The following PLEKHA7 variants were observed in gnomAD, a reference collection of about 807,000 sequenced individuals.
The protein encoded by PLEKHA7 is pleckstrin homology domain containing A7.
In PLEKHA7, 104 loss-of-function variants were observed where a neutral mutation model predicts 170.0. That is an observed-to-expected ratio of 0.61 (90% CI 0.52 to 0.72). PLEKHA7 has a LOEUF of 0.72. Among genes scored for constraint, PLEKHA7 ranks in the 30% least tolerant of loss-of-function variants. The pLI is 0.00. For missense variants in PLEKHA7, 1,615 were observed against 1,671.7 expected (o/e 0.97, Z 0.59); for synonymous variants, 648 against 660.8 (o/e 0.98, Z 0.30).
chr11:16,887,033 T>A (rs1350252902), intron 3 of PLEKHA7, among the ~76,000 whole-genome samples: 1 of 152,112 alleles, frequency 6.6e-6, no homozygotes, highest in Non-Finnish European at 1.5e-5. Context: ...GTTTATCAGT[T>A]TATTAAGCCA....
chr11:16,917,408 A>C (rs1210688748), intron 3 of PLEKHA7, among the ~76,000 whole-genome samples: 1 of 152,106 alleles, frequency 6.6e-6, no homozygotes, highest in Non-Finnish European at 1.5e-5. Context: ...TTATCATCCT[A>C]AGGTTTCGGA....
chr11:16,851,357 G>T, intron 7 of PLEKHA7, 66 bp from the exon 8 acceptor site: 2 of 1,239,632 alleles, frequency 1.6e-6, no homozygotes, highest in Non-Finnish European at 2.3e-6. Flanking sequence ...CTGTCCCACT[G>T]CTTCCAGAAC....
At chr11:16,844,735 C>CA (rs1852249789) in intron 8 of PLEKHA7, among the ~76,000 whole-genome samples, 5 of 152,186 alleles carry the variant, frequency 3.3e-5, no homozygotes, top group Admixed American at 3.3e-4. Flanking sequence ...CAGTTCTAGA[C>CA]ACAGCACTGG....
intron 17 of PLEKHA7, among the ~76,000 whole-genome samples, chr11:16,796,732 C>T (rs772052680): frequency 3.4e-4 from 52 of 152,144 alleles, no homozygotes; most frequent in Non-Finnish European, 7.1e-4. Context: ...TCAAGGTCAC[C>T]GTAACCTCAA....
At chr11:16,909,940 A>C (rs1858129083) in intron 3 of PLEKHA7, among the ~76,000 whole-genome samples, 2 of 152,236 alleles carry the variant, frequency 1.3e-5, no homozygotes, top group South Asian at 4.1e-4. Context: ...CCTAATGGCC[A>C]ATCTTGCAGA....
Position 16,841,723 on chromosome 11 carries a change from C to G in PLEKHA7, c.697-1G>C. The G allele has an allele frequency of 1.2e-6, 2 of 1,613,336 alleles. No homozygotes were observed. Among genetic ancestry groups the G allele is most frequent in the African/African-American group, 2.7e-5 (2 of 75,036 alleles). ...GCGCTCGCATCCCCGTGTGCACAGCCTGTAGCATGAAGGCAGAATGCAGGT... is the reference window on the plus strand; with the variant it reads ...GCGCTCGCATCCCCGTGTGCACAGCGTGTAGCATGAAGGCAGAATGCAGGT... On this transcript the variant is annotated splice_acceptor_variant, in intron 8 of 26. Transcript: ENST00000531066. LOFTEE classifies it high-confidence loss of function.
At chr11:16,786,425 T>C (rs1453364874) in intron 23 of PLEKHA7, 38 bp from the exon 24 acceptor site, 2 of 1,534,092 alleles carry the variant, frequency 1.3e-6, no homozygotes, top group Non-Finnish European at 1.7e-6. Context: ...AGTCGCTTCC[T>C]GATTGCTGAA....
At chr11:16,944,375 G>A (rs1403941828) in intron 3 of PLEKHA7, among the ~76,000 whole-genome samples, 2 of 151,648 alleles carry the variant, frequency 1.3e-5, no homozygotes, top group African/African-American at 2.4e-5. Context: ...AGCCGGGCGC[G>A]GTGGCACAGA....
chr11:16,819,809 G>A (rs1284560377), intron 10 of PLEKHA7, among the ~76,000 whole-genome samples: 2 of 152,224 alleles, frequency 1.3e-5, no homozygotes, highest in Admixed American at 1.3e-4. Flanking sequence ...GGAGAGGAGA[G>A]ATGGAAGAAG....
chr11:16,818,274 T>C (rs1381030187), intron 10 of PLEKHA7, among the ~76,000 whole-genome samples: 1 of 152,240 alleles, frequency 6.6e-6, no homozygotes, highest in Non-Finnish European at 1.5e-5. Context: ...AGGATAGTAT[T>C]ACCTGCCTCA....
chr11:16,977,363 T>C (rs1237168461), intron 3 of PLEKHA7, among the ~76,000 whole-genome samples: 1 of 152,082 alleles, frequency 6.6e-6, no homozygotes, highest in Non-Finnish European at 1.5e-5. Flanking sequence ...CTTCCACTGT[T>C]ACACATTGCT....
intron 3 of PLEKHA7, among the ~76,000 whole-genome samples, chr11:16,909,306 C>G (rs1367119315): frequency 6.6e-6 from 1 of 152,174 alleles, no homozygotes; most frequent in African/African-American, 2.4e-5. Flanking sequence ...TTTCTATGTT[C>G]ACACAGAAAC....
At chr11:16,870,106 C>T in intron 4 of PLEKHA7, among the ~76,000 whole-genome samples, 1 of 152,146 alleles carries the variant, frequency 6.6e-6, no homozygotes, top group East Asian at 1.9e-4. Flanking sequence ...TAGAGCCCAC[C>T]TGAGCACCTG....
chr11:16,836,183 G>C (rs1415410089), intron 9 of PLEKHA7, among the ~76,000 whole-genome samples: 1 of 152,198 alleles, frequency 6.6e-6, no homozygotes, highest in African/African-American at 2.4e-5. Context: ...GCCCACTGCA[G>C]CTATCTTGCC....
intron 13 of PLEKHA7, among the ~76,000 whole-genome samples, chr11:16,805,457 T>A (rs1372537233): frequency 6.6e-6 from 1 of 152,136 alleles, no homozygotes. Context: ...TAGTACTACC[T>A]CTTTTTCTAA....
chr11:16,939,122 A>G (rs1193960940), intron 3 of PLEKHA7, among the ~76,000 whole-genome samples: 1 of 152,224 alleles, frequency 6.6e-6, no homozygotes, highest in Non-Finnish European at 1.5e-5. Context: ...TTGAAAAAAT[A>G]TACTATAAGC....
chr11:16,958,539 G>T (rs1216087461), intron 3 of PLEKHA7, among the ~76,000 whole-genome samples: 8 of 152,168 alleles, frequency 5.3e-5, no homozygotes, highest in Admixed American at 5.2e-4. Flanking sequence ...TCTGGATGGA[G>T]GAATAATTAG....
At chr11:16,827,835 A>T (rs1301301207) in intron 9 of PLEKHA7, among the ~76,000 whole-genome samples, 2 of 151,956 alleles carry the variant, frequency 1.3e-5, no homozygotes, top group East Asian at 1.9e-4. Flanking sequence ...TGGTTAAAAA[A>T]AAAAAAAAAA....
At chr11:16,919,963 G>T (rs780336200) in intron 3 of PLEKHA7, among the ~76,000 whole-genome samples, 2 of 152,054 alleles carry the variant, frequency 1.3e-5, no homozygotes, top group Non-Finnish European at 2.9e-5. Flanking sequence ...CATAACAGAG[G>T]ACACTTACTT....
Sources: allele counts gnomAD v4.1 joint callset (sites outside exome capture counted in the v4.1 genomes callset), GRCh38; gene constraint gnomAD v4.1.1; transcripts MANE v1.5; gene names NCBI Gene and HGNC (gene_info 2026-07-23, HGNC 2026-07-21).